Variants in SLC30A4 observed in about 807,000 individuals in gnomAD.
SLC30A4 encodes the protein probable proton-coupled zinc antiporter SLC30A4.
A neutral mutation model predicts 41.7 loss-of-function variants in SLC30A4; 20 were observed. The observed-to-expected ratio is 0.48, with a 90% CI of 0.34 to 0.70. The LOEUF (loss-of-function observed/expected upper bound fraction) is 0.70. Ranked by LOEUF, SLC30A4 falls within the 30% of genes least tolerant of loss-of-function variation. SLC30A4 has a pLI of 0.01. For missense variants in SLC30A4, 441 were observed against 529.3 expected (o/e 0.83, Z 1.64); for synonymous variants, 181 against 195.9 (o/e 0.92, Z 0.64).
At chr15:45,518,746 G>T (rs1792510000) in intron 2 of SLC30A4, among the ~76,000 whole-genome samples, 1 of 151,682 alleles carries the variant, frequency 6.6e-6, no homozygotes, top group Non-Finnish European at 1.5e-5. Flanking sequence ...GGTTTTTTTT[G>T]GTAGAGAGGG....
chr15:45,487,911 A>AGTGTGTGTGT lies in SLC30A4; in HGVS notation c.895-289_895-280dup, dbSNP rs145350286. On this transcript the variant is annotated intron_variant, in intron 5 of 7. Coordinates refer to ENST00000261867, the MANE Select transcript of SLC30A4 (RefSeq NM_013309.6). ...AGAATATCAGAGCTGGAAAGAAGTA[A>AGTGTGTGTGT]GTGTGTGTGTGTGTGTGTGTGTGTG... Among the ~76,000 whole-genome samples the AGTGTGTGTGT allele has an allele frequency of 5.4e-3, 750 of 137,660 alleles. 16 individuals carry two copies. Among genetic ancestry groups the AGTGTGTGTGT allele is most frequent in the African/African-American group, 0.018 (669 of 36,448 alleles). The allele number at this position is 137,660 out of a possible 152,430, so 90.3% of individuals were successfully genotyped here.
chr15:45,508,675 G>A (rs1012312427), intron 3 of SLC30A4, among the ~76,000 whole-genome samples: 12 of 152,010 alleles, frequency 7.9e-5, no homozygotes, highest in Non-Finnish European at 1.8e-4. Flanking sequence ...TATCTTAATG[G>A]ACTCTCAGAG....
intron 2 of SLC30A4, 95 bp downstream of exon 2, chr15:45,521,868 GA>G: frequency 7.7e-7 from 1 of 1,300,896 alleles, no homozygotes; most frequent in South Asian, 1.4e-5. Flanking sequence ...CAAACTTCCT[GA>G]AAAGATGGGT....
At chr15:45,492,526 G>A (rs1047847041) in intron 3 of SLC30A4, among the ~76,000 whole-genome samples, 1 of 151,896 alleles carries the variant, frequency 6.6e-6, no homozygotes, top group East Asian at 1.9e-4. Flanking sequence ...AAATATTCAT[G>A]CCTTCATGAA....
At position 45,498,123 on chromosome 15, in the gene SLC30A4, T is replaced by TA. The variant is rs1193085824; in HGVS notation, c.539-7243dup. Among the ~76,000 whole-genome samples the TA allele has an allele frequency of 2.0e-5, 3 of 152,118 alleles. No individual in the cohort carries two copies. The South Asian group carries it at 6.2e-4, about 32-fold the overall frequency. ...ATGTAACACTTGTCTTTCCATTGCT[T>TA]AAAAAAACTATATATAGCAAATATC... is the stretch of plus-strand genomic sequence containing the variant. On this transcript the variant is annotated intron_variant, in intron 3 of 7. Transcript: ENST00000261867.
rs967975734 is a variant in SLC30A4 at position 45,522,209 on chromosome 15, A to G, written c.146T>C (p.Val49Ala). The G allele has an allele frequency of 1.9e-6, 3 of 1,614,090 alleles. No individual in the cohort carries two copies. The African/African-American group carries it at 4.0e-5, about 22-fold the overall frequency. ...GGCTTCGGAACCGTCATCGGCCACC[A>G]CAACTCGAAGTTTGTTGAACCGAGA... ...GLSRFNKLRV[V>A]VADDGSEAPE... is the part of the protein sequence containing the mutation. Residue 49 changes from valine (V) to alanine (A), a missense_variant, in exon 2 of 8, where the codon GTG becomes GCG. By Grantham distance (64) the Val-to-Ala change is moderately conservative. Around this residue, in one of 3 missense-constraint regions of SLC30A4, gnomAD observed 312 missense variants for 341.9 expected, o/e 0.91. Coordinates refer to ENST00000261867, the MANE Select transcript of SLC30A4 (RefSeq NM_013309.6).
intron 3 of SLC30A4, among the ~76,000 whole-genome samples, chr15:45,499,130 T>C (rs1891964336): frequency 6.6e-6 from 1 of 150,488 alleles, no homozygotes; most frequent in Non-Finnish European, 1.5e-5. Flanking sequence ...TCACTCAGGC[T>C]GTAGTGCAGT....
chr15:45,517,959 A>C (rs954253330), intron 2 of SLC30A4, among the ~76,000 whole-genome samples: 2 of 152,196 alleles, frequency 1.3e-5, no homozygotes, highest in Non-Finnish European at 2.9e-5. Context: ...AAATAAAAAC[A>C]AAAACAAAAA....
intron 2 of SLC30A4, among the ~76,000 whole-genome samples, chr15:45,515,482 G>A (rs138652546): frequency 0.017 from 2,581 of 152,006 alleles, 85 homozygotes; most frequent in African/African-American, 0.059. Flanking sequence ...GTGAAAGCCC[G>A]TCTCTACCAA....
chr15:45,496,779 T>C (rs895325656), intron 3 of SLC30A4, among the ~76,000 whole-genome samples: 1 of 151,842 alleles, frequency 6.6e-6, no homozygotes, highest in African/African-American at 2.4e-5. Context: ...ACAGATTGCT[T>C]GAGCCCAGGA....
intron 2 of SLC30A4, among the ~76,000 whole-genome samples, chr15:45,516,106 A>G (rs921920540): frequency 1.4e-4 from 22 of 152,120 alleles, no homozygotes; most frequent in African/African-American, 5.3e-4. Flanking sequence ...CTTCATGGAT[A>G]CGTGATCTTT....
chr15:45,490,842 A>G lies in SLC30A4; in HGVS notation c.578T>C (p.Ile193Thr). Residue 193 changes from isoleucine (I) to threonine (T), a missense_variant, in exon 4 of 8, where the codon ATA (isoleucine) becomes ACA (threonine). Ile to Thr is a moderately conservative substitution (Grantham distance 89). Around this residue, in one of 3 missense-constraint regions of SLC30A4, gnomAD observed 312 missense variants for 341.9 expected, o/e 0.91. Coordinates refer to ENST00000261867, the MANE Select transcript of SLC30A4 (RefSeq NM_013309.6). ...TTCATATAAGAGGAATCCCATAAGT[A>G]TATACACCAACAGCACACTAATCAT... ...SAMISVLLVYILMGFLLYEAV... is the reference protein window; with the variant it reads ...SAMISVLLVYTLMGFLLYEAV... The G allele has an allele frequency of 6.2e-7, 1 of 1,605,828 alleles. No homozygotes were observed. Among genetic ancestry groups the G allele is most frequent in the African/African-American group, 1.3e-5 (1 of 74,822 alleles).
At position 45,488,869 on chromosome 15, in the gene SLC30A4, A is replaced by G; in HGVS notation, c.866T>C (p.Leu289Pro). The G allele has an allele frequency of 6.2e-7, 1 of 1,613,988 alleles. No homozygotes were observed. ...LGDLVQSVGV[L>P]IAAYIIRFKP... ...GAATCGTATGATGTATGCAGCTATT[A>G]GCACACCAACACTCTGTACCAAATC... The change falls in exon 5 of 8, where the codon CTA becomes CCA. Residue 289 changes from leucine (L) to proline (P), a missense_variant. Leu to Pro is a moderately conservative substitution (Grantham distance 98). Transcript: ENST00000261867.
At chr15:45,488,620 G>T (rs1401415769) in intron 5 of SLC30A4, among the ~76,000 whole-genome samples, 1 of 152,028 alleles carries the variant, frequency 6.6e-6, no homozygotes, top group Non-Finnish European at 1.5e-5. Flanking sequence ...TTTATCCAGT[G>T]AAGGCACTAC....
chr15:45,517,447 A>C (rs1892518745), intron 2 of SLC30A4, among the ~76,000 whole-genome samples: 1 of 140,278 alleles, frequency 7.1e-6, no homozygotes, highest in Non-Finnish European at 1.5e-5. Context: ...TCCGCCTCCT[A>C]GGTTCAAGTG....
In SLC30A4 at chr15:45,480,414, T is replaced by A. The variant is rs746942115; in HGVS notation, c.*4749A>T. 6 of 152,244 alleles carry A rather than the reference T, an allele frequency of 3.9e-5. No homozygotes were observed. Among genetic ancestry groups the A allele is most frequent in the Admixed American group, 1.3e-4 (2 of 15,282 alleles). 9.4% of individuals were successfully genotyped at this position (152,244 alleles called of 1,614,324 possible). A position where few individuals can be genotyped will look rare whatever the true frequency, so the allele number is the denominator to read the frequency against. On this transcript the variant is annotated 3_prime_UTR_variant, in exon 8 of 8. Transcript: ENST00000261867. ...GTTGTCAAGATTCATACGACACATC[T>A]GGAGTTAGGGTTTGCAAATTGTATT...
intron 2 of SLC30A4, among the ~76,000 whole-genome samples, chr15:45,516,301 C>G (rs1892472900): frequency 6.6e-6 from 1 of 152,124 alleles, no homozygotes. Flanking sequence ...GTCCCTGGAT[C>G]AGTAGTGTTA....
chr15:45,491,289 C>A (rs774599343), intron 3 of SLC30A4, among the ~76,000 whole-genome samples: 11 of 152,222 alleles, frequency 7.2e-5, no homozygotes, highest in Non-Finnish European at 1.6e-4. Context: ...TTACCTCTCC[C>A]TACCCTCCAC....
At position 45,485,195 on chromosome 15, in the gene SLC30A4, TTC is replaced by T. The variant is rs1347432803; in HGVS notation, c.1256_1257del (p.Arg419AsnfsTer9). ...QLQSYRQEVD[R>X]TCANCQSSSP Reference sequence around the variant, plus strand: ...CTAGAACTCTGACAATTTGCACAAGTTCTGTCCACTTCTTGCCTGTAACTCTG... The same window carrying T: ...CTAGAACTCTGACAATTTGCACAAGTTGTCCACTTCTTGCCTGTAACTCTG... On this transcript the variant is annotated frameshift_variant, in exon 8 of 8. Transcript: ENST00000261867. LOFTEE classifies it high-confidence loss of function. The T allele has an allele frequency of 1.2e-6, 2 of 1,612,980 alleles. No individual in the cohort carries two copies. Among genetic ancestry groups the T allele is most frequent in the South Asian group, 2.2e-5 (2 of 90,756 alleles).
Sources: allele counts gnomAD v4.1 joint callset (sites outside exome capture counted in the v4.1 genomes callset), GRCh38; gene constraint gnomAD v4.1.1; regional missense constraint gnomAD v4.1.1; transcripts MANE v1.5; gene names NCBI Gene and HGNC (gene_info 2026-07-23, HGNC 2026-07-21).